Variants in UNC5C observed in about 807,000 individuals in gnomAD.
The protein encoded by UNC5C is netrin receptor UNC5C.
A neutral mutation model predicts 99.8 loss-of-function variants in UNC5C; 47 were observed. The ratio of observed to expected loss-of-function variants is 0.47; its 90% CI spans 0.37 to 0.60. The LOEUF is 0.60. UNC5C is among the 20% of genes least tolerant of loss of function. UNC5C has a pLI of 0.00. For synonymous variants in UNC5C, 487 were observed against 452.2 expected (o/e 1.08, Z -0.98); for missense variants, 1,062 against 1,165.9 (o/e 0.91, Z 1.30).
intron 1 of UNC5C, among the ~76,000 whole-genome samples, chr4:95,441,324 C>G (rs1174639662): frequency 6.6e-6 from 1 of 152,176 alleles, no homozygotes; most frequent in East Asian, 1.9e-4. Context: ...AGAAATCCTT[C>G]CAAATGAACT....
chr4:95,335,192 A>C (rs901158864), intron 2 of UNC5C, among the ~76,000 whole-genome samples: 1 of 151,928 alleles, frequency 6.6e-6, no homozygotes, highest in Admixed American at 6.6e-5. Flanking sequence ...TTTTAATTTC[A>C]TGTAGTCCAA....
chr4:95,248,602 CT>C (rs1739584740), intron 5 of UNC5C: 1 of 451,456 alleles, frequency 2.2e-6, no homozygotes, highest in Non-Finnish European at 4.4e-6. Flanking sequence ...CTTGAGCCCG[CT>C]GTTTCTCAAG....
chr4:95,346,763 C>A (rs938689073), intron 1 of UNC5C, among the ~76,000 whole-genome samples: 1 of 151,846 alleles, frequency 6.6e-6, no homozygotes, highest in Non-Finnish European at 1.5e-5. Context: ...AGGAAATATA[C>A]CTCACCACAC....
chr4:95,250,458 C>A (rs1739657085), intron 5 of UNC5C, 29 bp downstream of exon 5: 1 of 1,601,572 alleles, frequency 6.2e-7, no homozygotes, highest in African/African-American at 1.3e-5. Flanking sequence ...TAAACATGAA[C>A]TAGATTGAGA....
chr4:95,446,558 G>A (rs549453301), intron 1 of UNC5C, among the ~76,000 whole-genome samples: 1 of 152,204 alleles, frequency 6.6e-6, no homozygotes, highest in East Asian at 1.9e-4. Flanking sequence ...TAGACATGAG[G>A]GTATATTTTG....
chr4:95,206,790 G>T lies in UNC5C; in HGVS notation c.1740C>A (p.Pro580=). ...TVHRKETMRP[P]MDDSQTLLTP... Reference sequence around the variant, plus strand: ...TCAAAAGTGTCTGAGAGTCATCCATGGGTGGCCTAGGAGGAGAGCAGAGAA... The same window carrying T: ...TCAAAAGTGTCTGAGAGTCATCCATTGGTGGCCTAGGAGGAGAGCAGAGAA... The change falls in exon 11 of 16, where the codon CCC becomes CCA. Residue 580 remains proline, a synonymous_variant. Transcript: ENST00000453304. 1 of 1,596,206 alleles carries T rather than the reference G, an allele frequency of 6.3e-7. No individual in the cohort carries two copies.
chr4:95,441,725 A>T (rs890407035), intron 1 of UNC5C, among the ~76,000 whole-genome samples: 2 of 152,200 alleles, frequency 1.3e-5, no homozygotes, highest in Admixed American at 1.3e-4. Context: ...ACAGCAAAAG[A>T]CCTGTATCAT....
At chr4:95,370,883 T>C (rs768482433) in intron 1 of UNC5C, among the ~76,000 whole-genome samples, 8 of 152,192 alleles carry the variant, frequency 5.3e-5, no homozygotes, top group Non-Finnish European at 1.2e-4. Flanking sequence ...TAGTTCAAAG[T>C]GGTCATTCGT....
rs573417746 is a variant in UNC5C, at chr4:95,263,579, A to C, written c.595-12912T>G. Among the ~76,000 whole-genome samples the C allele has an allele frequency of 7.7e-4, 117 of 152,296 alleles. 1 individual carries two copies. The highest frequency in any genetic ancestry group is 2.7e-3 in the African/African-American group (111 of 41,568). On this transcript the variant is annotated intron_variant, in intron 4 of 15. Coordinates refer to ENST00000453304, the MANE Select transcript of UNC5C (RefSeq NM_003728.4). Reference sequence around the variant, plus strand: ...GCAGTTGTGTTTATGCTGCACTTTCACAGAAGCCCAGTGAGATTTTGCCAA... The same window carrying C: ...GCAGTTGTGTTTATGCTGCACTTTCCCAGAAGCCCAGTGAGATTTTGCCAA...
intron 3 of UNC5C, among the ~76,000 whole-genome samples, chr4:95,288,098 T>A (rs199893910): frequency 8.0e-5 from 3 of 37,338 alleles, no homozygotes; most frequent in Admixed American, 2.3e-4. Flanking sequence ...TTATTTATTT[T>A]TTGAGAGGGA....
At chr4:95,406,561 C>A (rs1281383098) in intron 1 of UNC5C, among the ~76,000 whole-genome samples, 1 of 152,146 alleles carries the variant, frequency 6.6e-6, no homozygotes, top group Non-Finnish European at 1.5e-5. Context: ...GATTCACAGT[C>A]CAAATTTATC....
chr4:95,428,933 GATCCTTAAC>G (rs1746557070), intron 1 of UNC5C, among the ~76,000 whole-genome samples: 1 of 152,030 alleles, frequency 6.6e-6, no homozygotes, highest in Non-Finnish European at 1.5e-5. Flanking sequence ...GCACCACCCA[GATCCTTAAC>G]TGGAAACCCA....
intron 1 of UNC5C, among the ~76,000 whole-genome samples, chr4:95,502,907 T>C (rs891261334): frequency 1.3e-4 from 20 of 152,314 alleles, no homozygotes; most frequent in Non-Finnish European, 2.4e-4. Flanking sequence ...ATTATTCAAA[T>C]GATGTTATCC....
At chr4:95,329,021 G>A (rs1422061706) in intron 2 of UNC5C, among the ~76,000 whole-genome samples, 1 of 152,096 alleles carries the variant, frequency 6.6e-6, no homozygotes. Context: ...AAGGGGTGGA[G>A]GGAACTCTCC....
At chr4:95,547,781 T>C (rs1235486931) in intron 1 of UNC5C, among the ~76,000 whole-genome samples, 1 of 152,202 alleles carries the variant, frequency 6.6e-6, no homozygotes, top group Non-Finnish European at 1.5e-5. Context: ...CTTTGAAGGC[T>C]GGGAGCTGCT....
At chr4:95,536,657 A>C (rs1308422864) in intron 1 of UNC5C, among the ~76,000 whole-genome samples, 1 of 152,198 alleles carries the variant, frequency 6.6e-6, no homozygotes, top group African/African-American at 2.4e-5. Context: ...ATTAAGTTTT[A>C]TGCAATACAA....
In UNC5C at chr4:95,182,992, A is replaced by G. The variant is rs1381989934; in HGVS notation, c.2356T>C (p.Phe786Leu). The G allele has an allele frequency of 2.5e-6, 4 of 1,613,668 alleles. No individual in the cohort carries two copies. Among genetic ancestry groups the G allele is most frequent in the South Asian group, 2.2e-5 (2 of 91,018 alleles). Residue 786 changes from phenylalanine (F) to leucine (L), a missense_variant, in exon 14 of 16, where the codon TTT (phenylalanine) becomes CTT (leucine). This residue lies in a region of UNC5C where 810 missense variants were observed against 854.5 expected (regional missense o/e 0.95). Transcript: ENST00000453304. Reference protein sequence around the residue: ...NLHCTFTLERFSLNTVELVCK... With the variant: ...NLHCTFTLERLSLNTVELVCK... Reference sequence around the variant, plus strand: ...ACCAGCTCCACTGTGTTCAGGCTAAATCTTTCCAGAGTGAAGGTGCAGTGC... The same window carrying G: ...ACCAGCTCCACTGTGTTCAGGCTAAGTCTTTCCAGAGTGAAGGTGCAGTGC...
At chr4:95,446,195 G>T (rs1342611252) in intron 1 of UNC5C, among the ~76,000 whole-genome samples, 1 of 151,972 alleles carries the variant, frequency 6.6e-6, no homozygotes, top group Non-Finnish European at 1.5e-5. Context: ...CAAATAAGAA[G>T]AGGAGAGCAT....
chr4:95,462,797 G>A (rs565917996), intron 1 of UNC5C, among the ~76,000 whole-genome samples: 1 of 152,240 alleles, frequency 6.6e-6, no homozygotes, highest in East Asian at 1.9e-4. Flanking sequence ...ATTCAAGACA[G>A]AATACTAAGT....
Sources: gnomAD v4.1 joint callset for allele counts (sites outside exome capture counted in the v4.1 genomes callset) on GRCh38, gnomAD v4.1.1 for gene constraint, gnomAD v4.1.1 regional missense constraint, MANE v1.5 for transcripts, NCBI Gene and HGNC (gene_info 2026-07-23, HGNC 2026-07-21) for gene names.